SHISA3: variants seen among roughly 807,000 people sequenced by gnomAD.
SHISA3 encodes shisa family member 3, also known as protein shisa-3 homolog.
Under a neutral mutation model 19.2 loss-of-function variants are expected in SHISA3, and 15 were observed. The observed-to-expected ratio is 0.78, with a 90% CI of 0.52 to 1.20. The LOEUF is 1.20. Ranked by LOEUF, SHISA3 falls within the 50% of genes most tolerant of loss-of-function variation. The pLI, the probability that SHISA3 is intolerant of heterozygous loss-of-function variation, is 0.00. For missense variants in SHISA3, 327 were observed against 315.7 expected (o/e 1.04, Z -0.27); for synonymous variants, 145 against 135.2 (o/e 1.07, Z -0.50).
rs1186262621 is a variant in SHISA3 at position 42,402,102 on chromosome 4, A to G, written c.*651A>G. 1 of 152,244 alleles carries G rather than the reference A, an allele frequency of 6.6e-6. No individual in the cohort carries two copies. Among genetic ancestry groups the G allele is most frequent in the Non-Finnish European group, 1.5e-5 (1 of 68,038 alleles). 9.4% of individuals were successfully genotyped at this position (152,244 alleles called of 1,614,324 possible). On this transcript the variant is annotated 3_prime_UTR_variant, in exon 2 of 2. Transcript: ENST00000319234. Reference sequence around the variant, plus strand: ...GTTTTAAATATATACTCAGACATTCATTGTAACACAGAGTGTATGTAAAAT... The same window carrying G: ...GTTTTAAATATATACTCAGACATTCGTTGTAACACAGAGTGTATGTAAAAT...
At chr4:42,399,128 G>GAAAC (rs1254991238) in intron 1 of SHISA3, among the ~76,000 whole-genome samples, 4 of 152,300 alleles carry the variant, frequency 2.6e-5, no homozygotes, top group African/African-American at 9.6e-5. Flanking sequence ...GAACATCAGG[G>GAAAC]AAACGCTTTA....
rs1437497090 is a variant in SHISA3, at chr4:42,401,643, CTG to C, written c.*194_*195del. ...ATCACAGAAAGGCTAAACCAGAGAACTGTTTTCTGGTTTTGCAAACATGTGAT... is the reference window on the plus strand; with the variant it reads ...ATCACAGAAAGGCTAAACCAGAGAACTTTTCTGGTTTTGCAAACATGTGAT... On this transcript the variant is annotated 3_prime_UTR_variant, in exon 2 of 2. Coordinates refer to ENST00000319234, the MANE Select transcript of SHISA3 (RefSeq NM_001080505.3). 1 of 578,082 alleles carries C rather than the reference CTG, an allele frequency of 1.7e-6. No individual in the cohort carries two copies. The highest frequency in any genetic ancestry group is 2.9e-6 in the Non-Finnish European group (1 of 344,724). 35.8% of individuals were successfully genotyped at this position (578,082 alleles called of 1,614,324 possible). A position where few individuals can be genotyped will look rare whatever the true frequency, so the allele number is the denominator to read the frequency against.
At position 42,401,027 on chromosome 4, in the gene SHISA3, C is replaced by T; in HGVS notation, c.293C>T (p.Pro98Leu). 6.2e-7 allele frequency: 1 copy of T among 1,614,076 alleles called. No individual in the cohort carries two copies. The highest frequency in any genetic ancestry group is 2.2e-5 in the East Asian group (1 of 44,876). ...TGCCTTTTAGAGCCTGTCTACGTCCCCTTTCTCATCGTCGGCTCCATCTTC... is the reference window on the plus strand; with the variant it reads ...TGCCTTTTAGAGCCTGTCTACGTCCTCTTTCTCATCGTCGGCTCCATCTTC... ...PGITAQPVYV[P>L]FLIVGSIFIA... The change falls in exon 2 of 2, where the codon CCC (proline) becomes CTC (leucine). Residue 98 changes from proline to leucine, a missense_variant. Physicochemically the swap from Pro to Leu is moderately conservative, Grantham distance 98. Transcript: ENST00000319234.
At chr4:42,400,503 T>C (rs1178358233) in intron 1 of SHISA3, among the ~76,000 whole-genome samples, 1 of 152,116 alleles carries the variant, frequency 6.6e-6, no homozygotes, top group African/African-American at 2.4e-5. Flanking sequence ...TGGAGTCTCA[T>C]AAAATCCTGG....
chr4:42,399,933 T>G lies in SHISA3; in HGVS notation c.278-1079T>G, dbSNP rs538912906. Among the ~76,000 whole-genome samples the G allele has an allele frequency of 7.4e-4, 113 of 152,278 alleles. No individual in the cohort carries two copies. In the South Asian group the frequency reaches 7.7e-3, roughly 10 times the overall value. On this transcript the variant is annotated intron_variant, in intron 1 of 1. Coordinates refer to ENST00000319234, the MANE Select transcript of SHISA3 (RefSeq NM_001080505.3). ...TTACGCCTAGTAGCCCACAAATAAT[T>G]GATAGTTACCTGTCCCTCACTAGCT...
At chr4:42,399,290 G>C (rs191189954) in intron 1 of SHISA3, among the ~76,000 whole-genome samples, 24 of 152,276 alleles carry the variant, frequency 1.6e-4, no homozygotes, top group Admixed American at 1.6e-3. Flanking sequence ...GATCATTAAG[G>C]GTTCCCCAAC....
rs1464189533 is a variant in SHISA3 at position 42,397,735 on chromosome 4, G to A, written c.-322G>A. ...GGAGGGAGGTGGCCGGGGGGTTGGCGCGCCCCTCGCGCGGGGAGCGCTATG... is the reference window on the plus strand; with the variant it reads ...GGAGGGAGGTGGCCGGGGGGTTGGCACGCCCCTCGCGCGGGGAGCGCTATG... On this transcript the variant is annotated 5_prime_UTR_variant, in exon 1 of 2. Transcript: ENST00000319234. 3 of 301,830 alleles carry A rather than the reference G, an allele frequency of 9.9e-6. No individual in the cohort carries two copies. The highest frequency in any genetic ancestry group is 1.8e-5 in the Non-Finnish European group (3 of 164,478). 18.7% of individuals were successfully genotyped at this position (301,830 alleles called of 1,614,324 possible). A position where few individuals can be genotyped will look rare whatever the true frequency, so the allele number is the denominator to read the frequency against.
At position 42,401,584 on chromosome 4, in the gene SHISA3, A is replaced by G. The variant is rs1404225126; in HGVS notation, c.*133A>G. The G allele has an allele frequency of 1.1e-6, 1 of 923,042 alleles. No individual in the cohort carries two copies. The highest frequency in any genetic ancestry group is 2.1e-5 in the South Asian group (1 of 48,558). 57.2% of individuals were successfully genotyped at this position (923,042 alleles called of 1,614,324 possible). A position where few individuals can be genotyped will look rare whatever the true frequency, so the allele number is the denominator to read the frequency against. The stretch of plus-strand genomic sequence containing the variant: ...TCATGGAGGAGCATGCTAGGAAAAC[A>G]CAGCACCTTCTAATTTGAAAGTTCC... On this transcript the variant is annotated 3_prime_UTR_variant, in exon 2 of 2. Coordinates refer to ENST00000319234, the MANE Select transcript of SHISA3 (RefSeq NM_001080505.3).
At position 42,397,501 on chromosome 4, in the gene SHISA3, C is replaced by T. The variant is rs1711762154; in HGVS notation, c.-556C>T. On this transcript the variant is annotated 5_prime_UTR_variant, in exon 1 of 2. Coordinates refer to ENST00000319234, the MANE Select transcript of SHISA3 (RefSeq NM_001080505.3). ...GGCAGAGCTGTCAGCAACCCCGCGG[C>T]CGTTTGTACTTGGCCGCGGCGGAGC... is the stretch of plus-strand genomic sequence containing the variant. Among the ~76,000 whole-genome samples, 1 of 152,212 alleles carries T rather than the reference C, an allele frequency of 6.6e-6. No homozygotes were observed. Among genetic ancestry groups the T allele is most frequent in the Admixed American group, 6.5e-5 (1 of 15,282 alleles).
intron 1 of SHISA3, among the ~76,000 whole-genome samples, chr4:42,398,841 A>T (rs1276396014): frequency 6.6e-6 from 1 of 151,972 alleles, no homozygotes; most frequent in East Asian, 1.9e-4. Context: ...TTTCTGTCTT[A>T]ATGATAGCGT....
intron 1 of SHISA3, 66 bp from the exon 2 acceptor site, chr4:42,400,946 A>C: frequency 6.5e-7 from 1 of 1,534,924 alleles, no homozygotes. Context: ...TCAGCTGCCC[A>C]AGCAGAGTTC....
chr4:42,398,867 C>G (rs6834120), intron 1 of SHISA3, among the ~76,000 whole-genome samples: 21,625 of 152,162 alleles, frequency 0.14, 1,614 homozygotes, highest in Middle Eastern at 0.19. Flanking sequence ...AGCCACGGCC[C>G]CGTTCTGCAG....
intron 1 of SHISA3, among the ~76,000 whole-genome samples, chr4:42,400,097 T>TA (rs1238138351): frequency 1.3e-5 from 2 of 152,232 alleles, no homozygotes; most frequent in Non-Finnish European, 2.9e-5. Context: ...AGTAGGGACT[T>TA]AGTCAATGCA....
At chr4:42,398,475 A>C (rs1344250633) in intron 1 of SHISA3, 142 bp downstream of exon 1, 12 of 886,980 alleles carry the variant, frequency 1.4e-5, no homozygotes, top group Non-Finnish European at 1.8e-5. Context: ...GGGTGGGGGA[A>C]TCAAGGGATG....
At position 42,397,794 on chromosome 4, in the gene SHISA3, A is replaced by C. The variant is rs1229826685; in HGVS notation, c.-263A>C. Reference sequence around the variant, plus strand: ...GAAGGGCGGCAGCGACAGCCCCAGCAACTGCCTCTGCCGGCGCCTCCCGCA... The same window carrying C: ...GAAGGGCGGCAGCGACAGCCCCAGCCACTGCCTCTGCCGGCGCCTCCCGCA... On this transcript the variant is annotated 5_prime_UTR_variant, in exon 1 of 2. Coordinates refer to ENST00000319234, the MANE Select transcript of SHISA3 (RefSeq NM_001080505.3). The C allele has an allele frequency of 7.0e-6, 3 of 426,970 alleles. No individual in the cohort carries two copies. The highest frequency in any genetic ancestry group is 1.2e-5 in the Non-Finnish European group (3 of 242,850). 26.4% of individuals were successfully genotyped at this position (426,970 alleles called of 1,614,324 possible).
In SHISA3 at chr4:42,397,819, A is replaced by G. The variant is rs3109639; in HGVS notation, c.-238A>G. On this transcript the variant is annotated 5_prime_UTR_variant, in exon 1 of 2. Transcript: ENST00000319234. ...AACTGCCTCTGCCGGCGCCTCCCGC[A>G]GGCCCTCGCCAACTCGCCCCGCGCA... 0.82 allele frequency: 354,488 copies of G among 430,586 alleles called. 146,689 individuals carry two copies. Among genetic ancestry groups the G allele is most frequent in the African/African-American group, 0.96 (46,739 of 48,586 alleles). The allele number at this position is 430,586 out of a possible 1,614,324, so 26.7% of individuals were successfully genotyped here.
In SHISA3 at chr4:42,397,738, C is replaced by G. The variant is rs1173064454; in HGVS notation, c.-319C>G. ...GGGAGGTGGCCGGGGGGTTGGCGCGCCCCTCGCGCGGGGAGCGCTATGAGC... is the reference window on the plus strand; with the variant it reads ...GGGAGGTGGCCGGGGGGTTGGCGCGGCCCTCGCGCGGGGAGCGCTATGAGC... On this transcript the variant is annotated 5_prime_UTR_variant, in exon 1 of 2. Coordinates refer to ENST00000319234, the MANE Select transcript of SHISA3 (RefSeq NM_001080505.3). The G allele has an allele frequency of 1.3e-5, 4 of 312,202 alleles. No individual in the cohort carries two copies. Among genetic ancestry groups the G allele is most frequent in the African/African-American group, 6.6e-5 (3 of 45,714 alleles). 19.3% of individuals were successfully genotyped at this position (312,202 alleles called of 1,614,324 possible). A position where few individuals can be genotyped will look rare whatever the true frequency, so the allele number is the denominator to read the frequency against.
In SHISA3 at chr4:42,401,593, T is replaced by C; in HGVS notation, c.*142T>C. The C allele has an allele frequency of 2.3e-6, 2 of 870,060 alleles. No individual in the cohort carries two copies. Among genetic ancestry groups the C allele is most frequent in the Non-Finnish European group, 3.4e-6 (2 of 591,092 alleles). 53.9% of individuals were successfully genotyped at this position (870,060 alleles called of 1,614,324 possible). ...AGCATGCTAGGAAAACACAGCACCT[T>C]CTAATTTGAAAGTTCCTGTCTCCAA... On this transcript the variant is annotated 3_prime_UTR_variant, in exon 2 of 2. Coordinates refer to ENST00000319234, the MANE Select transcript of SHISA3 (RefSeq NM_001080505.3).
Position 42,398,135 on chromosome 4 carries a change from T to C in SHISA3, c.79T>C (p.Tyr27His). The C allele has an allele frequency of 6.2e-7, 1 of 1,603,794 alleles. No individual in the cohort carries two copies. The highest frequency in any genetic ancestry group is 1.1e-5 in the South Asian group (1 of 89,440). ...GPAGAQQSGE[Y>H]CHGWVDVQGN... ...GGCGGGCGCCCAGCAGTCCGGAGAG[T>C]ACTGCCACGGCTGGGTGGACGTGCA... is the stretch of plus-strand genomic sequence containing the variant. The change falls in exon 1 of 2, where the codon TAC (tyrosine) becomes CAC (histidine). Residue 27 changes from tyrosine to histidine, a missense_variant. Coordinates refer to ENST00000319234, the MANE Select transcript of SHISA3 (RefSeq NM_001080505.3).
Sources: gnomAD v4.1 joint callset for allele counts (sites outside exome capture counted in the v4.1 genomes callset) on GRCh38, gnomAD v4.1.1 for gene constraint, MANE v1.5 for transcripts, NCBI Gene and HGNC (gene_info 2026-07-23, HGNC 2026-07-21) for gene names.